The following OSBP2 variants were observed in gnomAD, a reference collection of about 807,000 sequenced individuals.
OSBP2 encodes oxysterol-binding protein 2.
In OSBP2, 66 loss-of-function variants were observed where a neutral mutation model predicts 96.0. The observed-to-expected ratio is 0.69, with a 90% CI of 0.56 to 0.84. The LOEUF (loss-of-function observed/expected upper bound fraction) is 0.84, where lower values mean the gene tolerates loss of function less well. Among genes scored for constraint, OSBP2 ranks in the 40% least tolerant of loss-of-function variants. The pLI, the probability that OSBP2 is intolerant of heterozygous loss-of-function variation, is 0.00. For missense variants in OSBP2, 1,038 were observed against 1,222.7 expected (o/e 0.85, Z 2.25); for synonymous variants, 525 against 520.9 (o/e 1.01, Z -0.11).
At chr22:30,730,903 G>A (rs550353431) in intron 1 of OSBP2, among the ~76,000 whole-genome samples, 22 of 148,618 alleles carry the variant, frequency 1.5e-4, no homozygotes, top group Admixed American at 6.1e-4. Flanking sequence ...GGCCGGGCGC[G>A]GTGCCTCACG....
At chr22:30,842,605 CA>C (rs1354337920) in intron 2 of OSBP2, 1 of 153,290 alleles carries the variant, frequency 6.5e-6, no homozygotes, top group Non-Finnish European at 1.5e-5. Context: ...ACTGCTTTTT[CA>C]ACTAAGTTGA....
intron 2 of OSBP2, among the ~76,000 whole-genome samples, chr22:30,837,265 A>G (rs912321198): frequency 6.6e-6 from 1 of 151,196 alleles, no homozygotes; most frequent in African/African-American, 2.4e-5. Flanking sequence ...CTGTCTCAAA[A>G]AAAAAAAAAA....
chr22:30,841,531 C>T (rs1237311662), intron 2 of OSBP2, among the ~76,000 whole-genome samples: 2 of 152,142 alleles, frequency 1.3e-5, no homozygotes, highest in Admixed American at 6.5e-5. Flanking sequence ...GATTCCGTGA[C>T]GTAGATACAG....
At chr22:30,846,793 A>G (rs1225412741) in intron 2 of OSBP2, among the ~76,000 whole-genome samples, 1 of 152,142 alleles carries the variant, frequency 6.6e-6, no homozygotes, top group Non-Finnish European at 1.5e-5. Context: ...TTCTGGAAGA[A>G]ACCTCACTTA....
At chr22:30,759,292 G>A (rs1051748181) in intron 2 of OSBP2, among the ~76,000 whole-genome samples, 1 of 152,144 alleles carries the variant, frequency 6.6e-6, no homozygotes, top group Non-Finnish European at 1.5e-5. Context: ...AGCTTGCAGT[G>A]AGCCGAGATT....
chr22:30,904,264 T>C (rs1174249148), intron 12 of OSBP2, among the ~76,000 whole-genome samples: 1 of 152,206 alleles, frequency 6.6e-6, no homozygotes, highest in Admixed American at 6.5e-5. Context: ...TTACAAGCCC[T>C]CCGCAATCCA....
intron 2 of OSBP2, among the ~76,000 whole-genome samples, chr22:30,772,046 G>T (rs1473612314): frequency 6.6e-6 from 1 of 152,200 alleles, no homozygotes; most frequent in Admixed American, 6.5e-5. Context: ...GGGTATAAGG[G>T]CCATCAGACA....
At chr22:30,840,500 G>C (rs1261528298) in intron 2 of OSBP2, among the ~76,000 whole-genome samples, 1 of 152,120 alleles carries the variant, frequency 6.6e-6, no homozygotes. Context: ...AGATGGGAGG[G>C]AGATGGGGTG....
upstream of OSBP2, chr22:30,693,823 T>C (rs1040609227): frequency 1.1e-5 from 5 of 452,184 alleles, no homozygotes; most frequent in Admixed American, 3.6e-5. Flanking sequence ...AAAATTTAGC[T>C]GGGCATGGTG....
rs534485295 is a variant in OSBP2, at chr22:30,826,364, A to G, written c.854-44065A>G. ...GGCCTCCTGGTTCCCAGGGATTCAC[A>G]TTTGCCACTCCTCGGGCCTAGCCTC... On this transcript the variant is annotated intron_variant, in intron 2 of 13. Coordinates refer to ENST00000332585, the MANE Select transcript of OSBP2 (RefSeq NM_030758.4). 3.3e-5 allele frequency among the ~76,000 whole-genome samples: 5 copies of G among 152,154 alleles called. No individual in the cohort carries two copies. The South Asian group carries it at 1.0e-3, about 32-fold the overall frequency.
rs1569119423 is a variant in OSBP2 at position 30,778,169 on chromosome 22, C to CTTTTT, written c.853+36800_853+36801insTTTTT. 5.3e-4 allele frequency among the ~76,000 whole-genome samples: 66 copies of CTTTTT among 124,172 alleles called. 8 individuals are homozygous for CTTTTT. Among genetic ancestry groups the CTTTTT allele is most frequent in the East Asian group, 1.7e-3 (7 of 4,138 alleles). 81.5% of individuals were successfully genotyped at this position (124,172 alleles called of 152,430 possible). On this transcript the variant is annotated intron_variant, in intron 2 of 13. Transcript: ENST00000332585. ...ACCAGCATGCCCGGCTAATTTTTGC[C>CTTTTT]CTTTTTTTTTTTTTTTTTTTTAGTA...
intron 2 of OSBP2, among the ~76,000 whole-genome samples, chr22:30,854,660 C>A (rs1245815400): frequency 2.0e-5 from 3 of 146,992 alleles, no homozygotes; most frequent in Non-Finnish European, 4.5e-5. Context: ...AAAAAAGCAC[C>A]TTTTATATTT....
intron 2 of OSBP2, among the ~76,000 whole-genome samples, chr22:30,811,168 C>CG (rs2091000846): frequency 2.0e-5 from 3 of 147,218 alleles, no homozygotes; most frequent in Non-Finnish European, 4.5e-5. Flanking sequence ...TACACAACCC[C>CG]CCCCCCACAC....
chr22:30,808,709 C>G (rs992114913), intron 2 of OSBP2, among the ~76,000 whole-genome samples: 1 of 152,074 alleles, frequency 6.6e-6, no homozygotes, highest in South Asian at 2.1e-4. Context: ...AATCCCAGCA[C>G]TTTGAGAGGC....
chr22:30,863,543 C>A (rs9609128), intron 2 of OSBP2, among the ~76,000 whole-genome samples: 1 of 152,006 alleles, frequency 6.6e-6, no homozygotes, highest in African/African-American at 2.4e-5. Flanking sequence ...CAATGAATGC[C>A]CTGCTCTGGG....
At chr22:30,710,505 T>G (rs757631531) in intron 1 of OSBP2, among the ~76,000 whole-genome samples, 4 of 152,170 alleles carry the variant, frequency 2.6e-5, no homozygotes, top group Non-Finnish European at 5.9e-5. Context: ...AAGTTGGCCC[T>G]AGAGTCCTTT....
chr22:30,738,749 A>T (rs1020145505), intron 1 of OSBP2, among the ~76,000 whole-genome samples: 1 of 151,886 alleles, frequency 6.6e-6, no homozygotes, highest in Non-Finnish European at 1.5e-5. Flanking sequence ...TTCAGTAGAG[A>T]CGGGGTTTCA....
chr22:30,812,557 G>A (rs136245), intron 2 of OSBP2, among the ~76,000 whole-genome samples: 74,804 of 152,100 alleles, frequency 0.49, 19,290 homozygotes, highest in African/African-American at 0.65. Flanking sequence ...TTCACATGTT[G>A]TTACTATTCC....
intron 2 of OSBP2, among the ~76,000 whole-genome samples, chr22:30,774,635 A>G (rs2090405082): frequency 6.6e-6 from 1 of 152,256 alleles, no homozygotes; most frequent in African/African-American, 2.4e-5. Flanking sequence ...CAGTAATGAC[A>G]GTTAAATCTT....
Sources: gnomAD v4.1 joint callset for allele counts (sites outside exome capture counted in the v4.1 genomes callset) on GRCh38, gnomAD v4.1.1 for gene constraint, MANE v1.5 for transcripts, NCBI Gene and HGNC (gene_info 2026-07-23, HGNC 2026-07-21) for gene names.